The following AK5 variants were observed in gnomAD, a reference collection of about 807,000 sequenced individuals.
AK5 encodes adenylate kinase 5.
Under a neutral mutation model 69.5 loss-of-function variants are expected in AK5, and 27 were observed. The observed-to-expected ratio is 0.39, with a 90% CI of 0.29 to 0.54. The LOEUF is 0.54. AK5 is among the 20% of genes least tolerant of loss of function. The pLI, the probability that AK5 is intolerant of heterozygous loss-of-function variation, is 0.71. For synonymous variants in AK5, 260 were observed against 244.4 expected, an observed-to-expected ratio of 1.06 and a Z score of -0.60; for missense variants, 531 against 700.4, an observed-to-expected ratio of 0.76 and a Z score of 2.73.
At chr1:77,516,706 G>A (rs1657664492) in intron 10 of AK5, among the ~76,000 whole-genome samples, 1 of 151,980 alleles carries the variant, frequency 6.6e-6, no homozygotes, top group Admixed American at 6.6e-5. Context: ...CTCCTTTCCA[G>A]GCACATGGAA....
intron 12 of AK5, among the ~76,000 whole-genome samples, chr1:77,531,249 G>A (rs1658562360): frequency 6.6e-6 from 1 of 152,202 alleles, no homozygotes; most frequent in African/African-American, 2.4e-5. Context: ...GACCCAAAGA[G>A]TGAGCAGTAG....
At position 77,296,522 on chromosome 1, in the gene AK5, A is replaced by T. The variant is rs909134515; in HGVS notation, c.416-1037A>T. Among the ~76,000 whole-genome samples, 4 of 152,220 alleles carry T rather than the reference A, an allele frequency of 2.6e-5. No homozygotes were observed. The South Asian group carries it at 6.2e-4, about 24-fold the overall frequency. On this transcript the variant is annotated intron_variant, in intron 3 of 13. Coordinates refer to ENST00000354567, the MANE Select transcript of AK5 (RefSeq NM_174858.3). The stretch of plus-strand genomic sequence containing the variant: ...AAAAAATTTTTTTTCTTGAAAGTAC[A>T]ATAACATTCTCAATGTGTCTGAATT...
In AK5 at chr1:77,439,017, G is replaced by A. The variant is rs565753342; in HGVS notation, c.1059+21302G>A. Among the ~76,000 whole-genome samples the A allele has an allele frequency of 1.1e-4, 17 of 152,258 alleles. No individual in the cohort carries two copies. In the East Asian group the frequency reaches 1.7e-3, roughly 16 times the overall value. Reference sequence around the variant, plus strand: ...TTCTCCAGGACCAAAAAGGCGACTCGTAGAAACGAAGAGCACAAAGGGCTC... The same window carrying A: ...TTCTCCAGGACCAAAAAGGCGACTCATAGAAACGAAGAGCACAAAGGGCTC... On this transcript the variant is annotated intron_variant, in intron 8 of 13. Coordinates refer to ENST00000354567, the MANE Select transcript of AK5 (RefSeq NM_174858.3).
chr1:77,496,165 A>G (rs576847142), intron 10 of AK5, among the ~76,000 whole-genome samples: 1 of 152,298 alleles, frequency 6.6e-6, no homozygotes, highest in African/African-American at 2.4e-5. Flanking sequence ...GCTGAGTCCA[A>G]AAGAAGAAAA....
chr1:77,465,682 G>C (rs1039792453), intron 8 of AK5, among the ~76,000 whole-genome samples: 1 of 152,170 alleles, frequency 6.6e-6, no homozygotes, highest in Non-Finnish European at 1.5e-5. Context: ...TGTATCAGAA[G>C]GGTAAGTGGG....
At chr1:77,449,098 C>G (rs1478143892) in intron 8 of AK5, among the ~76,000 whole-genome samples, 2 of 152,182 alleles carry the variant, frequency 1.3e-5, no homozygotes, top group African/African-American at 4.8e-5. Flanking sequence ...GGGGCACCAC[C>G]TAATGGAGCT....
intron 8 of AK5, among the ~76,000 whole-genome samples, chr1:77,429,666 C>A (rs1651462624): frequency 6.7e-6 from 1 of 149,584 alleles, no homozygotes; most frequent in Non-Finnish European, 1.5e-5. Context: ...GGAAAGTCTT[C>A]TCCAGGATGG....
At position 77,503,360 on chromosome 1, in the gene AK5, C is replaced by T. The variant is rs59647458; in HGVS notation, c.1148-15204C>T. Among the ~76,000 whole-genome samples the T allele has an allele frequency of 0.02, 2,995 of 151,574 alleles. 147 individuals are homozygous for T. In the East Asian group the frequency reaches 0.22, roughly 11 times the overall value. ...GATATGATAAACCTAAATGTTTGAGCAAGTTTTGGAAGGTTTGTGAAAAAT... is the reference window on the plus strand; with the variant it reads ...GATATGATAAACCTAAATGTTTGAGTAAGTTTTGGAAGGTTTGTGAAAAAT... On this transcript the variant is annotated intron_variant, in intron 10 of 13. Transcript: ENST00000354567.
chr1:77,473,995 G>A (rs560130917), intron 8 of AK5, among the ~76,000 whole-genome samples: 2 of 152,276 alleles, frequency 1.3e-5, no homozygotes, highest in East Asian at 3.9e-4. Context: ...GGGGCAGAAT[G>A]TAAACAAGCT....
intron 13 of AK5, among the ~76,000 whole-genome samples, chr1:77,557,824 C>A (rs1027352816): frequency 6.6e-6 from 1 of 152,152 alleles, no homozygotes; most frequent in Non-Finnish European, 1.5e-5. Context: ...AGCTTCACTG[C>A]AGAATTGGGC....
intron 3 of AK5, among the ~76,000 whole-genome samples, chr1:77,296,496 CAAA>C (rs769414046): frequency 1.3e-5 from 2 of 151,894 alleles, no homozygotes; most frequent in South Asian, 2.1e-4. Context: ...CATTAGTTGA[CAAA>C]AAATTTTTTT....
At chr1:77,365,796 G>A (rs1646939557) in intron 6 of AK5, among the ~76,000 whole-genome samples, 1 of 152,140 alleles carries the variant, frequency 6.6e-6, no homozygotes, top group Non-Finnish European at 1.5e-5. Flanking sequence ...CTGTGGCCTG[G>A]GACTTGGGGA....
At chr1:77,368,236 TATATATATA>T (rs1647039686) in intron 6 of AK5, among the ~76,000 whole-genome samples, 2 of 35,910 alleles carry the variant, frequency 5.6e-5, no homozygotes, top group Non-Finnish European at 1.1e-4. Flanking sequence ...TATATATATA[TATATATATA>T]TATATATAAT....
chr1:77,556,513 T>C (rs1570362943), intron 13 of AK5, among the ~76,000 whole-genome samples: 1 of 152,348 alleles, frequency 6.6e-6, no homozygotes, highest in East Asian at 1.9e-4. Flanking sequence ...TATATGACTA[T>C]GTCACAATTT....
intron 5 of AK5, among the ~76,000 whole-genome samples, chr1:77,309,972 T>C (rs1659853302): frequency 6.6e-6 from 1 of 152,170 alleles, no homozygotes; most frequent in African/African-American, 2.4e-5. Flanking sequence ...TTTTCATTAT[T>C]TTCCCTTTGG....
chr1:77,382,829 A>G (rs931323542), intron 6 of AK5, among the ~76,000 whole-genome samples: 7 of 152,292 alleles, frequency 4.6e-5, no homozygotes, highest in African/African-American at 1.7e-4. Flanking sequence ...GATGGATGTT[A>G]TTGTTAATAA....
chr1:77,319,829 C>G (rs567168701), intron 5 of AK5, among the ~76,000 whole-genome samples: 1 of 152,288 alleles, frequency 6.6e-6, no homozygotes, highest in South Asian at 2.1e-4. Context: ...GTCTCACTGA[C>G]TATAAGCACA....
At chr1:77,391,525 A>ATATG (rs146163792) in intron 6 of AK5, among the ~76,000 whole-genome samples, 5,841 of 121,422 alleles carry the variant, frequency 0.048, 250 homozygotes, top group Non-Finnish European at 0.07. Flanking sequence ...ATATATATAT[A>ATATG]TATCTCCTCA....
chr1:77,286,882 GAAA>G (rs1485242059), intron 1 of AK5, 56 bp from the exon 2 acceptor site: 1 of 1,107,714 alleles, frequency 9.0e-7, no homozygotes, highest in Non-Finnish European at 1.2e-6. Flanking sequence ...TTAAATTAAA[GAAA>G]AAACAAAGGT....
Sources: gnomAD v4.1 joint callset for allele counts (sites outside exome capture counted in the v4.1 genomes callset) on GRCh38, gnomAD v4.1.1 for gene constraint, MANE v1.5 for transcripts, NCBI Gene and HGNC (gene_info 2026-07-23, HGNC 2026-07-21) for gene names.